The following GRK7 variants were observed in gnomAD, a reference collection of about 807,000 sequenced individuals.
GRK7 encodes the protein rhodopsin kinase GRK7.
Under a neutral mutation model 34.1 loss-of-function variants are expected in GRK7, and 24 were observed. The ratio of observed to expected loss-of-function variants is 0.70; its 90% confidence interval spans 0.51 to 0.99. The LOEUF (loss-of-function observed/expected upper bound fraction) is 0.99. Ranked by LOEUF, GRK7 falls within the 50% of genes least tolerant of loss-of-function variation. The probability of loss-of-function intolerance (pLI) is 0.00; values close to 1 mark genes in which losing one functional copy is unlikely to be tolerated. For missense variants in GRK7, 644 were observed against 707.3 expected, an observed-to-expected ratio of 0.91 and a Z score of 1.02; for synonymous variants, 256 against 279.4, an observed-to-expected ratio of 0.92 and a Z score of 0.84.
intron 4 of GRK7, among the ~76,000 whole-genome samples, chr3:141,799,347 T>A (rs1577922525): frequency 6.6e-6 from 1 of 152,190 alleles, no homozygotes; most frequent in African/African-American, 2.4e-5. Context: ...GCATGGTGGG[T>A]CACGCCTGTA....
chr3:141,760,365 G>A (rs1423747268), upstream of GRK7, among the ~76,000 whole-genome samples: 5 of 140,560 alleles, frequency 3.6e-5, no homozygotes, highest in Admixed American at 1.5e-4. Flanking sequence ...CCTTCATTTC[G>A]TTATGTACCC....
intron 4 of GRK7, among the ~76,000 whole-genome samples, chr3:141,790,277 C>T (rs2084717910): frequency 6.6e-6 from 1 of 152,128 alleles, no homozygotes. Context: ...GGATTACAGG[C>T]CTGAGCCACC....
In GRK7 at chr3:141,778,494, C is replaced by T; in HGVS notation, c.210C>T (p.Phe70=). The T allele has an allele frequency of 6.2e-7, 1 of 1,613,286 alleles. No homozygotes were observed. Among genetic ancestry groups the T allele is most frequent in the Non-Finnish European group, 8.5e-7 (1 of 1,179,960 alleles). ...CEQQPIGRRL[F]RDFLATVPTF... ...AGCAGCCCATCGGTCGCCGCCTCTT[C>T]CGTGACTTCCTAGCCACAGTGCCCA... is the stretch of plus-strand genomic sequence containing the variant. Residue 70 remains phenylalanine, a synonymous_variant, in exon 3 of 6, where the codon TTC becomes TTT. Transcript: ENST00000682958. This position sits in a 1 kb window ranked among gnomAD's most constrained non-coding sequence, Gnocchi z 4.1.
At chr3:141,811,147 T>A (rs1310654873) in intron 5 of GRK7, among the ~76,000 whole-genome samples, 1 of 151,894 alleles carries the variant, frequency 6.6e-6, no homozygotes, top group Admixed American at 6.6e-5. Flanking sequence ...AAACCCCCTC[T>A]CTACTAAAAA....
At chr3:141,780,945 T>C in intron 4 of GRK7, 134 bp downstream of exon 4, 1 of 742,922 alleles carries the variant, frequency 1.3e-6, no homozygotes, top group Non-Finnish European at 2.2e-6. Flanking sequence ...GCTTACGTTG[T>C]CATCTTGCCT....
chr3:141,806,851 G>A (rs72982481), intron 4 of GRK7, among the ~76,000 whole-genome samples: 19,665 of 151,710 alleles, frequency 0.13, 2,640 homozygotes, highest in African/African-American at 0.35. Flanking sequence ...AACTTACACT[G>A]CAAAATGATT....
chr3:141,786,549 A>T (rs150970087), intron 4 of GRK7, among the ~76,000 whole-genome samples: 2 of 152,234 alleles, frequency 1.3e-5, no homozygotes, highest in African/African-American at 4.8e-5. Flanking sequence ...AGGCTGAGGC[A>T]GGCAGATCAT....
intron 4 of GRK7, among the ~76,000 whole-genome samples, chr3:141,787,103 T>G (rs2084699957): frequency 6.6e-6 from 1 of 152,132 alleles, no homozygotes; most frequent in African/African-American, 2.4e-5. Context: ...GGGCTCCAGA[T>G]CAGAATGTAG....
rs184085397 is a variant in GRK7, at chr3:141,786,194, G to C, written c.1050+5383G>C. On this transcript the variant is annotated intron_variant, in intron 4 of 5. Transcript: ENST00000682958. Reference sequence around the variant, plus strand: ...TTAAAGGAGAGGAGGAATGAGATTAGGTGTTGGGTGAGCTGACAGCATCTG... The same window carrying C: ...TTAAAGGAGAGGAGGAATGAGATTACGTGTTGGGTGAGCTGACAGCATCTG... Among the ~76,000 whole-genome samples, 260 of 152,214 alleles carry C rather than the reference G, an allele frequency of 1.7e-3. 3 individuals carry two copies. The highest frequency in any genetic ancestry group is 6.2e-3 in the African/African-American group (256 of 41,542).
chr3:141,817,716 T>C lies in GRK7; in HGVS notation c.*666T>C, dbSNP rs956292962. 6.6e-6 allele frequency: 1 copy of C among 152,250 alleles called. No homozygotes were observed. The highest frequency in any genetic ancestry group is 1.5e-5 in the Non-Finnish European group (1 of 68,052). 9.4% of individuals were successfully genotyped at this position (152,250 alleles called of 1,614,324 possible). A position where few individuals can be genotyped will look rare whatever the true frequency, so the allele number is the denominator to read the frequency against. On this transcript the variant is annotated 3_prime_UTR_variant, in exon 6 of 6. Transcript: ENST00000682958. ...TGTAAATTTAGTTGAGTCCTTTAAG[T>C]AATATGGTACAAATTGCTTCAACTT... is the stretch of plus-strand genomic sequence containing the variant.
At chr3:141,757,287 A>G in the GRK7 span, among the ~76,000 whole-genome samples, 7 of 151,240 alleles carry the variant, frequency 4.6e-5, no homozygotes, top group Admixed American at 3.3e-4. Context: ...CTATCTCCCA[A>G]TGCTATCCCT....
Position 141,816,976 on chromosome 3 carries a change from C to G in GRK7, c.1588C>G (p.Leu530Val). The G allele has an allele frequency of 6.2e-7, 1 of 1,614,064 alleles. No individual in the cohort carries two copies. Among genetic ancestry groups the G allele is most frequent in the Non-Finnish European group, 8.5e-7 (1 of 1,179,998 alleles). Residue 530 changes from leucine (L) to valine (V), a missense_variant, in exon 6 of 6, where the codon CTG (leucine) becomes GTG (valine). Coordinates refer to ENST00000682958, the MANE Select transcript of GRK7 (RefSeq NM_139209.3). ...EIIETGLFEE[L>V]NDPNRPTGCE... is the part of the protein sequence containing the mutation. ...TATAGAAACGGGACTGTTTGAGGAACTGAATGACCCCAACAGACCTACGGG... is the reference window on the plus strand; with the variant it reads ...TATAGAAACGGGACTGTTTGAGGAAGTGAATGACCCCAACAGACCTACGGG...
chr3:141,814,995 G>A (rs529145922), intron 5 of GRK7, among the ~76,000 whole-genome samples: 5 of 148,452 alleles, frequency 3.4e-5, no homozygotes, highest in Admixed American at 6.8e-5. Flanking sequence ...CACAATCTTG[G>A]CTCACTGCAA....
intron 4 of GRK7, among the ~76,000 whole-genome samples, chr3:141,788,198 GGGTA>G: frequency 6.6e-6 from 1 of 152,292 alleles, no homozygotes; most frequent in Middle Eastern, 3.4e-3. Flanking sequence ...GAAGGACACT[GGGTA>G]AAGTACTTTG....
At chr3:141,792,317 T>C (rs2084728312) in intron 4 of GRK7, among the ~76,000 whole-genome samples, 1 of 151,602 alleles carries the variant, frequency 6.6e-6, no homozygotes, top group Non-Finnish European at 1.5e-5. Context: ...GGCAGGGGAA[T>C]TGCTTGAACC....
intron 4 of GRK7, among the ~76,000 whole-genome samples, chr3:141,793,542 G>C (rs2084735598): frequency 6.6e-6 from 1 of 152,150 alleles, no homozygotes; most frequent in Non-Finnish European, 1.5e-5. Flanking sequence ...CAGGCGGTGG[G>C]GACTAAGACC....
At chr3:141,804,891 A>C (rs1234741090) in intron 4 of GRK7, among the ~76,000 whole-genome samples, 1 of 151,760 alleles carries the variant, frequency 6.6e-6, no homozygotes, top group Non-Finnish European at 1.5e-5. Flanking sequence ...ACTCACATGC[A>C]CATTAACACA....
At chr3:141,797,118 G>C (rs937141367) in intron 4 of GRK7, among the ~76,000 whole-genome samples, 11 of 152,296 alleles carry the variant, frequency 7.2e-5, no homozygotes, top group South Asian at 2.1e-4. Flanking sequence ...CTCTATGCCT[G>C]CAAAAAGTGT....
chr3:141,808,792 A>G (rs1226651272), intron 5 of GRK7, among the ~76,000 whole-genome samples: 1 of 152,278 alleles, frequency 6.6e-6, no homozygotes, highest in Non-Finnish European at 1.5e-5. Flanking sequence ...TCTAATGAGT[A>G]TAAATTTTCT....
Sources: gnomAD v4.1 joint callset for allele counts (sites outside exome capture counted in the v4.1 genomes callset) on GRCh38, gnomAD v4.1.1 for gene constraint, Gnocchi (gnomAD v3.1) non-coding constraint, MANE v1.5 for transcripts, NCBI Gene and HGNC (gene_info 2026-07-23, HGNC 2026-07-21) for gene names.